The following DEF8 variants were observed in gnomAD, a reference collection of about 807,000 sequenced individuals.
DEF8 encodes the protein DEF-8.
A neutral mutation model predicts 59.1 loss-of-function variants in DEF8; 38 were observed. The observed-to-expected ratio is 0.64, with a 90% CI of 0.50 to 0.84. The LOEUF (loss-of-function observed/expected upper bound fraction) is 0.84. Among genes scored for constraint, DEF8 ranks in the 40% least tolerant of loss-of-function variants. The probability of loss-of-function intolerance (pLI) is 0.00; values close to 1 mark genes in which losing one functional copy is unlikely to be tolerated. For missense variants in DEF8, 557 were observed against 615.2 expected (o/e 0.91, Z 1.00); for synonymous variants, 265 against 250.1 (o/e 1.06, Z -0.56).
At position 89,954,185 on chromosome 16, in the gene DEF8, G is replaced by C. The variant is rs1216473798; in HGVS notation, c.-10-58G>C. 6.3e-7 allele frequency: 1 copy of C among 1,581,890 alleles called. No individual in the cohort carries two copies. The highest frequency in any genetic ancestry group is 8.6e-7 in the Non-Finnish European group (1 of 1,162,994). ...CACCCCAGTGTGGTTGGGGAAAGGGGGTGGTCCGTGGTGAGCCTGGTACCT... is the reference window on the plus strand; with the variant it reads ...CACCCCAGTGTGGTTGGGGAAAGGGCGTGGTCCGTGGTGAGCCTGGTACCT... On this transcript the variant is annotated intron_variant, in intron 2 of 12. Coordinates refer to ENST00000563594, the MANE Select transcript of DEF8 (RefSeq NM_001242818.2). This position sits in a 1 kb window ranked among gnomAD's most constrained non-coding sequence, Gnocchi z 4.3.
chr16:89,953,716 A>G (rs183854327), intron 2 of DEF8, among the ~76,000 whole-genome samples: 2 of 152,274 alleles, frequency 1.3e-5, no homozygotes, highest in East Asian at 3.9e-4. Context: ...ACTGTCCCCA[A>G]GTGTCCAACC....
chr16:89,963,594 T>C (rs2034309757), intron 10 of DEF8, 151 bp downstream of exon 10: 1 of 625,476 alleles, frequency 1.6e-6, no homozygotes, highest in East Asian at 2.8e-5. Context: ...AGCAAACAGG[T>C]GTTCTGCCTA....
In DEF8 at chr16:89,961,090, C is replaced by G. The variant is rs765294057; in HGVS notation, c.674C>G (p.Ser225Cys). 9 of 1,610,780 alleles carry G rather than the reference C, an allele frequency of 5.6e-6. No homozygotes were observed. In the South Asian group the frequency reaches 8.8e-5, roughly 16 times the overall value. The change falls in exon 7 of 13, where the codon TCT becomes TGT. Residue 225 changes from serine (S) to cysteine (C), a missense_variant. Coordinates refer to ENST00000563594, the MANE Select transcript of DEF8 (RefSeq NM_001242818.2). Reference sequence around the variant, plus strand: ...TGTGCCGAGTGCCGGGCGCCCATCTCTCTGCGTGAGTGGTGGCAGGGAGAG... The same window carrying G: ...TGTGCCGAGTGCCGGGCGCCCATCTGTCTGCGTGAGTGGTGGCAGGGAGAG... The part of the protein sequence containing the change: ...YRCAECRAPI[S>C]LRGVPSEARQ...
chr16:89,949,471 C>T lies in DEF8; in HGVS notation c.-53C>T. 6.2e-7 allele frequency: 1 copy of T among 1,612,218 alleles called. No individual in the cohort carries two copies. Among genetic ancestry groups the T allele is most frequent in the Non-Finnish European group, 8.5e-7 (1 of 1,179,838 alleles). On this transcript the variant is annotated 5_prime_UTR_variant, in exon 2 of 13. Coordinates refer to ENST00000563594, the MANE Select transcript of DEF8 (RefSeq NM_001242818.2). ...TGGCCAGCAGCCCTAGAGGAATGGC[C>T]ATCCTGTCCCTGCGAGCCCCTGGGC...
Position 89,961,997 on chromosome 16 carries a change from G to A in DEF8, c.808-15G>A, listed in dbSNP as rs202051014. ...TGGGTGGGTGTGAGAGGTGTCACCCGGCCGTGCCTGGCAGGTTTCTCGCTG... is the reference window on the plus strand; with the variant it reads ...TGGGTGGGTGTGAGAGGTGTCACCCAGCCGTGCCTGGCAGGTTTCTCGCTG... On this transcript the variant is annotated splice_polypyrimidine_tract_variant and intron_variant, in intron 8 of 12. Coordinates refer to ENST00000563594, the MANE Select transcript of DEF8 (RefSeq NM_001242818.2). 4.3e-5 allele frequency: 70 copies of A among 1,613,426 alleles called. No homozygotes were observed. The South Asian group carries it at 4.4e-4, about 10-fold the overall frequency.
chr16:89,951,610 C>T (rs987877181), intron 2 of DEF8, among the ~76,000 whole-genome samples: 3 of 152,112 alleles, frequency 2.0e-5, no homozygotes, highest in African/African-American at 4.8e-5. Flanking sequence ...GTGGGAATAT[C>T]GTATTTCTCT....
chr16:89,951,056 C>G (rs375453829), intron 2 of DEF8, among the ~76,000 whole-genome samples: 1 of 152,154 alleles, frequency 6.6e-6, no homozygotes, highest in Non-Finnish European at 1.5e-5. Context: ...GTTCTCTGAA[C>G]TTAGTATTAA....
At position 89,948,776 on chromosome 16, in the gene DEF8, T is replaced by G; in HGVS notation, c.-146T>G. 1 of 981,288 alleles carries G rather than the reference T, an allele frequency of 1.0e-6. No individual in the cohort carries two copies. Among genetic ancestry groups the G allele is most frequent in the Non-Finnish European group, 1.2e-6 (1 of 828,966 alleles). 60.8% of individuals were successfully genotyped at this position (981,288 alleles called of 1,614,324 possible). A position where few individuals can be genotyped will look rare whatever the true frequency, so the allele number is the denominator to read the frequency against. ...CAGCGTAGCGGGGCGGCCGGGCGGATCCAGCGCAGCCGGGAGACAGATGCG... is the reference window on the plus strand; with the variant it reads ...CAGCGTAGCGGGGCGGCCGGGCGGAGCCAGCGCAGCCGGGAGACAGATGCG... On this transcript the variant is annotated 5_prime_UTR_variant, in exon 1 of 13. Transcript: ENST00000563594.
Position 89,949,430 on chromosome 16 carries a change from C to G in DEF8, c.-94C>G. The G allele has an allele frequency of 6.2e-7, 1 of 1,607,086 alleles. No individual in the cohort carries two copies. Among genetic ancestry groups the G allele is most frequent in the Non-Finnish European group, 8.5e-7 (1 of 1,178,472 alleles). ...TTCTCCCTGCAGCAGGTGCCGAACC[C>G]ACGGCCAGGCTTCCGTGGCCAGCAG... On this transcript the variant is annotated 5_prime_UTR_variant, in exon 2 of 13. Transcript: ENST00000563594.
chr16:89,964,633 A>C, intron 12 of DEF8, 58 bp downstream of exon 12: 1 of 1,384,536 alleles, frequency 7.2e-7, no homozygotes, highest in Non-Finnish European at 9.9e-7. Flanking sequence ...TCCTCTGGGG[A>C]GCTGCCCCTT....
rs1322629662 is a variant in DEF8, at chr16:89,962,270, C to G, written c.921+145C>G. 5.7e-6 allele frequency: 4 copies of G among 696,502 alleles called. No homozygotes were observed. The South Asian group carries it at 6.9e-5, about 12-fold the overall frequency. 43.1% of individuals were successfully genotyped at this position (696,502 alleles called of 1,614,324 possible). ...CCTGCTTAGGGTGAGCCAGGCGCCG[C>G]GGCTGCCCTTTTGGTTGAAGGTGCT... On this transcript the variant is annotated intron_variant, in intron 9 of 12. Transcript: ENST00000563594.
chr16:89,949,892 G>A (rs1022583976), intron 2 of DEF8, among the ~76,000 whole-genome samples: 1 of 152,190 alleles, frequency 6.6e-6, no homozygotes, highest in African/African-American at 2.4e-5. Context: ...AGAGGGGCAG[G>A]CTGGCGTTCT....
chr16:89,959,599 G>A (rs928447636), intron 6 of DEF8, among the ~76,000 whole-genome samples: 2 of 152,172 alleles, frequency 1.3e-5, no homozygotes, highest in Non-Finnish European at 2.9e-5. Context: ...GGTTCACACC[G>A]TTCTCCTGCC....
chr16:89,967,355 C>T lies in DEF8; in HGVS notation c.*1392C>T, dbSNP rs546994618. On this transcript the variant is annotated 3_prime_UTR_variant, in exon 13 of 13. Transcript: ENST00000563594. ...GGCCACCTGGCTCACTGGCTCATTCCAGGAGTGGGAGAGACGGCAGGGTCT... is the reference window on the plus strand; with the variant it reads ...GGCCACCTGGCTCACTGGCTCATTCTAGGAGTGGGAGAGACGGCAGGGTCT... The T allele has an allele frequency of 1.6e-3, 624 of 398,654 alleles. No individual in the cohort carries two copies. Among genetic ancestry groups the T allele is most frequent in the Non-Finnish European group, 2.3e-3 (529 of 226,080 alleles). The allele number at this position is 398,654 out of a possible 1,614,324, so 24.7% of individuals were successfully genotyped here. A position where few individuals can be genotyped will look rare whatever the true frequency, so the allele number is the denominator to read the frequency against.
chr16:89,951,080 G>T (rs979529869), intron 2 of DEF8, among the ~76,000 whole-genome samples: 7 of 152,130 alleles, frequency 4.6e-5, no homozygotes, highest in Non-Finnish European at 8.8e-5. Context: ...CTTTAATCTT[G>T]ACAATAACCC....
At position 89,967,278 on chromosome 16, in the gene DEF8, T is replaced by C. The variant is rs2034651965; in HGVS notation, c.*1315T>C. On this transcript the variant is annotated 3_prime_UTR_variant, in exon 13 of 13. Transcript: ENST00000563594. ...GGCAGAGAATGCCACTGCTTGGTTA[T>C]TGGTCCCCTTTGACCAGGAAACCCA... 1.3e-5 allele frequency: 5 copies of C among 398,668 alleles called. No individual in the cohort carries two copies. Among genetic ancestry groups the C allele is most frequent in the Non-Finnish European group, 2.2e-5 (5 of 226,102 alleles). The allele number at this position is 398,668 out of a possible 1,614,324, so 24.7% of individuals were successfully genotyped here. A position where few individuals can be genotyped will look rare whatever the true frequency, so the allele number is the denominator to read the frequency against.
At chr16:89,959,187 T>A (rs2033683025) in intron 6 of DEF8, 32 bp downstream of exon 6, 1 of 1,613,500 alleles carries the variant, frequency 6.2e-7, no homozygotes, top group Non-Finnish European at 8.5e-7. Context: ...GAGTGAGGAA[T>A]GAGAGAGACC....
chr16:89,963,621 T>C (rs2034313464), intron 10 of DEF8, among the ~76,000 whole-genome samples, 178 bp downstream of exon 10: 1 of 152,136 alleles, frequency 6.6e-6, no homozygotes, highest in Non-Finnish European at 1.5e-5. Context: ...AGTTCTCCAG[T>C]CAGTTCCGTT....
chr16:89,960,645 G>A (rs1340978695), intron 6 of DEF8, among the ~76,000 whole-genome samples: 2 of 152,052 alleles, frequency 1.3e-5, no homozygotes, highest in East Asian at 1.9e-4. Flanking sequence ...TGGGAGTTTC[G>A]TTTGTTACAT....
Sources: gnomAD v4.1 joint callset for allele counts (sites outside exome capture counted in the v4.1 genomes callset) on GRCh38, gnomAD v4.1.1 for gene constraint, Gnocchi (gnomAD v3.1) non-coding constraint, MANE v1.5 for transcripts, NCBI Gene and HGNC (gene_info 2026-07-23, HGNC 2026-07-21) for gene names.